Variants in CLCN1 observed in about 807,000 individuals in gnomAD.
The protein encoded by CLCN1 is chloride voltage-gated channel 1, also known as chloride channel protein 1.
Under a neutral mutation model 114.5 loss-of-function variants are expected in CLCN1, and 100 were observed. The observed-to-expected ratio is 0.87, with a 90% confidence interval of 0.74 to 1.03. The LOEUF (loss-of-function observed/expected upper bound fraction) is 1.03. Among genes scored for constraint, CLCN1 ranks in the 50% least tolerant of loss-of-function variants. CLCN1 has a pLI of 0.00. For synonymous variants in CLCN1, 485 were observed against 487.1 expected, an observed-to-expected ratio of 1.00 and a Z score of 0.06; for missense variants, 1,188 against 1,250.0, an observed-to-expected ratio of 0.95 and a Z score of 0.75.
chr7:143,336,621 A>G (rs1802905468), intron 12 of CLCN1, among the ~76,000 whole-genome samples: 1 of 126,054 alleles, frequency 7.9e-6, no homozygotes. Flanking sequence ...AAAAAAAAAA[A>G]AAAAGAAGAA....
chr7:143,321,667 C>T lies in CLCN1; in HGVS notation c.563-48C>T. The T allele has an allele frequency of 6.2e-7, 1 of 1,613,776 alleles. No individual in the cohort carries two copies. Among genetic ancestry groups the T allele is most frequent in the Non-Finnish European group, 8.5e-7 (1 of 1,179,678 alleles). ...TCCCATATTCTGGACATTCATCTCCCTTTTCACCTTCACCTTGACCCTGCA... is the reference window on the plus strand; with the variant it reads ...TCCCATATTCTGGACATTCATCTCCTTTTTCACCTTCACCTTGACCCTGCA... On this transcript the variant is annotated intron_variant, in intron 4 of 22. Transcript: ENST00000343257. The surrounding 1 kb of genome is among the most constrained non-coding windows in gnomAD (Gnocchi z 4.2).
chr7:143,320,675 C>T lies in CLCN1; in HGVS notation c.313C>T (p.Arg105Cys), dbSNP rs201509501. Residue 105 changes from arginine to cysteine, a missense_variant, in exon 3 of 23, where the codon CGC becomes TGC. Coordinates refer to ENST00000343257, the MANE Select transcript of CLCN1 (RefSeq NM_000083.3). ...TCATCTCTTCCTAGATTGTATCCAC[C>T]GCCTGGGACAGGTGGTGAGAAGAAA... ...HYSKCQDCIHRLGQVVRRKLG... is the reference protein window; with the variant it reads ...HYSKCQDCIHCLGQVVRRKLG... 318 of 1,612,764 alleles carry T rather than the reference C, an allele frequency of 2.0e-4. No individual in the cohort carries two copies. The highest frequency in any genetic ancestry group is 1.2e-3 in the East Asian group (53 of 44,826).
rs111274385 is a variant in CLCN1 at position 143,341,230 on chromosome 7, T to TA, written c.1583-687dup. On this transcript the variant is annotated intron_variant, in intron 14 of 22. Transcript: ENST00000343257. Reference sequence around the variant, plus strand: ...TGGCATTAATACCTAAAGCCCAAGGTAAAAAAAAAAAATGTTATAACTGAG... The same window carrying TA: ...TGGCATTAATACCTAAAGCCCAAGGTAAAAAAAAAAAAATGTTATAACTGAG... Among the ~76,000 whole-genome samples the TA allele has an allele frequency of 1.0e-3, 151 of 145,322 alleles. 1 individual carries two copies. The highest frequency in any genetic ancestry group is 3.6e-3 in the East Asian group (18 of 4,996).
intron 12 of CLCN1, among the ~76,000 whole-genome samples, chr7:143,336,839 T>A (rs1253454674): frequency 1.3e-5 from 2 of 152,168 alleles, no homozygotes; most frequent in East Asian, 3.9e-4. Flanking sequence ...TTCTTACACA[T>A]ATCTTGGAGG....
At chr7:143,319,512 G>C (rs552808654) in intron 1 of CLCN1, among the ~76,000 whole-genome samples, 2 of 152,330 alleles carry the variant, frequency 1.3e-5, no homozygotes, top group East Asian at 3.9e-4. Flanking sequence ...ATCAAGGTGA[G>C]TACAGGTTGG....
rs576079743 is a variant in CLCN1 at position 143,339,036 on chromosome 7, T to A, written c.1402-217T>A. Among the ~76,000 whole-genome samples the A allele has an allele frequency of 4.6e-5, 7 of 152,300 alleles. No individual in the cohort carries two copies. In the East Asian group the frequency reaches 7.7e-4, roughly 17 times the overall value. On this transcript the variant is annotated intron_variant, in intron 12 of 22. Transcript: ENST00000343257. The surrounding 1 kb of genome is among the most constrained non-coding windows in gnomAD (Gnocchi z 4.1). ...AAGTAGAAGGGATTTGGTCTAGCCA[T>A]CTAGAGGAACCTTCTGATAGTATTG...
intron 7 of CLCN1, among the ~76,000 whole-genome samples, chr7:143,329,025 A>G (rs1459666807): frequency 6.9e-6 from 1 of 145,166 alleles, no homozygotes; most frequent in East Asian, 2.0e-4. Flanking sequence ...TGGAGTATAG[A>G]GGTGCGATCT....
In CLCN1 at chr7:143,346,220, C is replaced by G. The variant is rs767926364; in HGVS notation, c.2253C>G (p.His751Gln). ...AGCCCAATGGGCCTCTGCCTGGCCA[C>G]AAACAGCAGCCGGAAGCACCAGAGC... ...PEEPNGPLPG[H>Q]KQQPEAPEPA... is the part of the protein sequence containing the mutation. The change falls in exon 18 of 23, where the codon CAC becomes CAG. Residue 751 changes from histidine to glutamine, a missense_variant. Physicochemically the swap from His to Gln is conservative, Grantham distance 24. Transcript: ENST00000343257. The G allele has an allele frequency of 2.5e-6, 4 of 1,613,418 alleles. No individual in the cohort carries two copies. The Admixed American group carries it at 6.7e-5, about 27-fold the overall frequency.
chr7:143,345,595 C>T lies in CLCN1; in HGVS notation c.2005C>T (p.Arg669Cys), dbSNP rs748537564. 8 of 1,552,554 alleles carry T rather than the reference C, an allele frequency of 5.2e-6. No individual in the cohort carries two copies. The highest frequency in any genetic ancestry group is 7.0e-6 in the Non-Finnish European group (8 of 1,148,152). The change falls in exon 17 of 23, where the codon CGC (arginine) becomes TGC (cysteine). Residue 669 changes from arginine to cysteine, a missense_variant. Coordinates refer to ENST00000343257, the MANE Select transcript of CLCN1 (RefSeq NM_000083.3). ...ALLQRHLCPE[R>C]RLRAAQEMAR... ...CCTGCAGCGCCACCTGTGTCCTGAG[C>T]GCAGGCTGCGCGCAGCCCAAGAGAT...
intron 6 of CLCN1, chr7:143,323,741 T>C: frequency 2.0e-6 from 1 of 494,432 alleles, no homozygotes; most frequent in South Asian, 1.5e-5. Flanking sequence ...TAGCTCCCAA[T>C]CCCTCACCCT....
rs569393631 is a variant in CLCN1 at position 143,343,807 on chromosome 7, T to C, written c.1930+1302T>C. 1.6e-3 allele frequency among the ~76,000 whole-genome samples: 238 copies of C among 151,596 alleles called. 1 individual carries two copies. The highest frequency in any genetic ancestry group is 0.01 in the Middle Eastern group (3 of 294). ...CTCTCTTTCTCTCTCCCTCCCTCTT[T>C]CCCTCTCTCTTTCTCTCTCTCTCTT... On this transcript the variant is annotated intron_variant, in intron 16 of 22. Coordinates refer to ENST00000343257, the MANE Select transcript of CLCN1 (RefSeq NM_000083.3).
chr7:143,338,011 A>AT (rs1444746696), intron 12 of CLCN1, among the ~76,000 whole-genome samples: 2 of 149,782 alleles, frequency 1.3e-5, no homozygotes, highest in African/African-American at 2.5e-5. Context: ...TTTATTTTTT[A>AT]TTTTTTTATT....
chr7:143,351,809 G>T lies in CLCN1; in HGVS notation c.2811G>T (p.Glu937Asp). 1 of 1,614,130 alleles carries T rather than the reference G, an allele frequency of 6.2e-7. No homozygotes were observed. The highest frequency in any genetic ancestry group is 8.5e-7 in the Non-Finnish European group (1 of 1,179,992). ...CCCCTGTGCCATCTCCTTCCCCAGA[G>T]CCCCCTCTCTCCCTGGCCCCAGGCA... ...PETPVPSPSP[E>D]PPLSLAPGKV... The change falls in exon 23 of 23, where the codon GAG (glutamate) becomes GAT (aspartate). Residue 937 changes from glutamate (E) to aspartate (D), a missense_variant. By Grantham distance (45) the Glu-to-Asp change is conservative (BLOSUM62 2). Coordinates refer to ENST00000343257, the MANE Select transcript of CLCN1 (RefSeq NM_000083.3).
chr7:143,329,631 C>T (rs6949709), intron 7 of CLCN1, among the ~76,000 whole-genome samples: 9,407 of 152,118 alleles, frequency 0.062, 384 homozygotes, highest in African/African-American at 0.1. Context: ...TACTAGGATG[C>T]GAGGTGCTGC....
rs1360393584 is a variant in CLCN1, at chr7:143,321,169, T to G, written c.434-196T>G. Reference sequence around the variant, plus strand: ...AGACCCTGTACTCCAGTGGGATTCGTGACACAGCCACCAACTGGAACAGGC... The same window carrying G: ...AGACCCTGTACTCCAGTGGGATTCGGGACACAGCCACCAACTGGAACAGGC... On this transcript the variant is annotated intron_variant, in intron 3 of 22. Transcript: ENST00000343257. The surrounding 1 kb of genome is among the most constrained non-coding windows in gnomAD (Gnocchi z 4.2). Among the ~76,000 whole-genome samples the G allele has an allele frequency of 6.6e-6, 1 of 152,124 alleles. No individual in the cohort carries two copies. Among genetic ancestry groups the G allele is most frequent in the African/African-American group, 2.4e-5 (1 of 41,428 alleles).
At chr7:143,330,040 T>C (rs1257878353) in intron 7 of CLCN1, among the ~76,000 whole-genome samples, 1 of 152,214 alleles carries the variant, frequency 6.6e-6, no homozygotes, top group Non-Finnish European at 1.5e-5. Flanking sequence ...GAACTACTAC[T>C]TAGCTTTCCT....
Position 143,321,263 on chromosome 7 carries a change from C to A in CLCN1, c.434-102C>A. On this transcript the variant is annotated intron_variant, in intron 3 of 22. Coordinates refer to ENST00000343257, the MANE Select transcript of CLCN1 (RefSeq NM_000083.3). The surrounding 1 kb of genome is among the most constrained non-coding windows in gnomAD (Gnocchi z 4.2). ...GCAGCACCATCTCAGAAGGGGCACA[C>A]AGAAGGAGCACGGCCTGAGAACATG... 3 of 1,411,948 alleles carry A rather than the reference C, an allele frequency of 2.1e-6. No individual in the cohort carries two copies. Among genetic ancestry groups the A allele is most frequent in the Non-Finnish European group, 2.9e-6 (3 of 1,019,126 alleles). 87.5% of individuals were successfully genotyped at this position (1,411,948 alleles called of 1,614,324 possible). A position where few individuals can be genotyped will look rare whatever the true frequency, so the allele number is the denominator to read the frequency against.
intron 1 of CLCN1, among the ~76,000 whole-genome samples, chr7:143,318,516 C>A (rs1357888391): frequency 6.6e-6 from 1 of 152,172 alleles, no homozygotes; most frequent in African/African-American, 2.4e-5. Context: ...AGCCACTGAG[C>A]CTTGCTTCCA....
rs1254680428 is a variant in CLCN1, at chr7:143,321,883, G to A, written c.696+35G>A. On this transcript the variant is annotated intron_variant, in intron 5 of 22. Transcript: ENST00000343257. The surrounding 1 kb of genome is among the most constrained non-coding windows in gnomAD (Gnocchi z 4.2). ...GCATGACTGAAGCCAGAGCTGGGAG[G>A]GGCCCTCAGGAGCCAGGGTGGCACC... The A allele has an allele frequency of 6.2e-7, 1 of 1,609,248 alleles. No individual in the cohort carries two copies. The highest frequency in any genetic ancestry group is 8.5e-7 in the Non-Finnish European group (1 of 1,177,730).
Sources: gnomAD v4.1 joint callset for allele counts (sites outside exome capture counted in the v4.1 genomes callset) on GRCh38, gnomAD v4.1.1 for gene constraint, Gnocchi (gnomAD v3.1) non-coding constraint, MANE v1.5 for transcripts, NCBI Gene and HGNC (gene_info 2026-07-23, HGNC 2026-07-21) for gene names.